Variants in TCF12 observed in about 807,000 individuals in gnomAD.
TCF12 encodes transcription factor 12.
Under a neutral mutation model 86.0 loss-of-function variants are expected in TCF12, and 45 were observed. The observed-to-expected ratio is 0.52, with a 90% CI of 0.41 to 0.67. TCF12 has a LOEUF of 0.67. Ranked by LOEUF, TCF12 falls within the 30% of genes least tolerant of loss-of-function variation. The probability of loss-of-function intolerance (pLI) is 0.00; values close to 1 mark genes in which losing one functional copy is unlikely to be tolerated. For synonymous variants in TCF12, 330 were observed against 299.6 expected, an observed-to-expected ratio of 1.10 and a Z score of -1.05; for missense variants, 881 against 859.9, an observed-to-expected ratio of 1.02 and a Z score of -0.31.
chr15:57,232,244 G>A (rs780363895), intron 9 of TCF12, 47 bp from the exon 10 acceptor site: 49 of 1,607,284 alleles, frequency 3.0e-5, no homozygotes, highest in Non-Finnish European at 4.0e-5. Context: ...CAAAATACAA[G>A]AAAATTTTTA....
chr15:57,075,581 A>G (rs1426825983), intron 4 of TCF12, among the ~76,000 whole-genome samples: 1 of 152,134 alleles, frequency 6.6e-6, no homozygotes, highest in Non-Finnish European at 1.5e-5. Context: ...GGGAGAGTAA[A>G]AGTCCAGAAA....
chr15:56,920,487 C>CGTGTGTGTGTGT (rs71113033), intron 2 of TCF12, among the ~76,000 whole-genome samples: 13,682 of 146,814 alleles, frequency 0.093, 938 homozygotes, highest in Admixed American at 0.23. Flanking sequence ...CACACACACA[C>CGTGTGTGTGTGT]GTGTGTGTGT....
chr15:57,153,855 C>T (rs1038677626), intron 5 of TCF12, among the ~76,000 whole-genome samples: 5 of 151,194 alleles, frequency 3.3e-5, no homozygotes, highest in African/African-American at 1.2e-4. Context: ...GACTCTGTCT[C>T]TCCAAAAAAA....
intron 6 of TCF12, among the ~76,000 whole-genome samples, chr15:57,179,760 C>T (rs2056205906): frequency 1.3e-5 from 2 of 152,122 alleles, no homozygotes; most frequent in Admixed American, 6.5e-5. Context: ...TTAGAAGCAT[C>T]TCAGGTTTTC....
At chr15:57,219,794 C>T (rs546875061) in intron 8 of TCF12, among the ~76,000 whole-genome samples, 4 of 146,316 alleles carry the variant, frequency 2.7e-5, no homozygotes, top group East Asian at 2.0e-4. Context: ...GGCTCGATCT[C>T]GGCTCACTGC....
At chr15:57,052,339 A>G (rs756033834) in intron 3 of TCF12, among the ~76,000 whole-genome samples, 2 of 152,092 alleles carry the variant, frequency 1.3e-5, no homozygotes, top group Non-Finnish European at 2.9e-5. Flanking sequence ...GAGTGAACAT[A>G]AGTGGATAAG....
chr15:57,055,550 G>A (rs1300015979), intron 3 of TCF12, among the ~76,000 whole-genome samples: 1 of 152,086 alleles, frequency 6.6e-6, no homozygotes, highest in East Asian at 1.9e-4. Context: ...TATTTTTGCT[G>A]AGTATAGAAT....
chr15:57,187,563 A>G (rs889538046), intron 6 of TCF12, among the ~76,000 whole-genome samples: 1 of 152,160 alleles, frequency 6.6e-6, no homozygotes, highest in Admixed American at 6.5e-5. Context: ...AAAGTTTACA[A>G]ATTTGTGTTG....
chr15:57,155,330 G>A (rs1369523399), intron 5 of TCF12, among the ~76,000 whole-genome samples: 1 of 151,884 alleles, frequency 6.6e-6, no homozygotes, highest in African/African-American at 2.4e-5. Flanking sequence ...TTTATTTTGA[G>A]TTATGCCTTA....
At chr15:56,968,920 G>A (rs1170022106) in intron 3 of TCF12, among the ~76,000 whole-genome samples, 1 of 152,224 alleles carries the variant, frequency 6.6e-6, no homozygotes, top group African/African-American at 2.4e-5. Context: ...CAGGTCTTAA[G>A]TAGATGAGAG....
chr15:57,018,555 C>T lies in TCF12; in HGVS notation c.149-45195C>T, dbSNP rs112919430. 3.1e-4 allele frequency among the ~76,000 whole-genome samples: 47 copies of T among 152,114 alleles called. 4 individuals carry two copies. Among genetic ancestry groups the T allele is most frequent in the African/African-American group, 8.9e-4 (37 of 41,488 alleles). Reference sequence around the variant, plus strand: ...TCGGCTCACCGCAACATGTGCTTCTCGGGGTCAAGCCAGCCTCTCACCTCA... The same window carrying T: ...TCGGCTCACCGCAACATGTGCTTCTTGGGGTCAAGCCAGCCTCTCACCTCA... On this transcript the variant is annotated intron_variant, in intron 3 of 20. Transcript: ENST00000333725.
At chr15:57,270,204 T>C (rs1342423433) in intron 18 of TCF12, among the ~76,000 whole-genome samples, 6 of 152,228 alleles carry the variant, frequency 3.9e-5, no homozygotes. Flanking sequence ...CAATCAAATG[T>C]AGATTTGGTC....
chr15:57,241,658 C>G (rs1216113817), intron 12 of TCF12, among the ~76,000 whole-genome samples: 1 of 152,100 alleles, frequency 6.6e-6, no homozygotes, highest in African/African-American at 2.4e-5. Flanking sequence ...GGAAGGTAGA[C>G]TTTGGGCTGC....
intron 5 of TCF12, among the ~76,000 whole-genome samples, chr15:57,107,729 T>TTAATAA (rs1292972731): frequency 1.3e-5 from 2 of 151,478 alleles, no homozygotes; most frequent in African/African-American, 4.9e-5. Flanking sequence ...TACAAAATAA[T>TTAATAA]TAATAATAAT....
At chr15:57,240,447 C>T (rs1212719946) in intron 12 of TCF12, among the ~76,000 whole-genome samples, 1 of 152,206 alleles carries the variant, frequency 6.6e-6, no homozygotes. Flanking sequence ...CTCATCCATC[C>T]ACCATCAGTG....
At position 56,918,688 on chromosome 15, in the gene TCF12, G is replaced by A. The variant is rs1278816077; in HGVS notation, c.-241G>A. 5.2e-6 allele frequency: 1 copy of A among 191,442 alleles called. No individual in the cohort carries two copies. The highest frequency in any genetic ancestry group is 1.1e-5 in the Non-Finnish European group (1 of 91,052). The allele number at this position is 191,442 out of a possible 1,614,324, so 11.9% of individuals were successfully genotyped here. On this transcript the variant is annotated 5_prime_UTR_variant, in exon 1 of 21. Coordinates refer to ENST00000333725, the MANE Select transcript of TCF12 (RefSeq NM_207037.2). ...GGCCGCCTCAGCGAAAAAAATGTCC[G>A]CCTGAAGAGACCCACAAGTTCTATT...
At chr15:57,032,388 A>G (rs570365398) in intron 3 of TCF12, among the ~76,000 whole-genome samples, 3 of 152,312 alleles carry the variant, frequency 2.0e-5, no homozygotes, top group South Asian at 4.1e-4. Flanking sequence ...ACAAAAATAT[A>G]AATATACCTT....
intron 4 of TCF12, among the ~76,000 whole-genome samples, chr15:57,079,922 A>G (rs2070479232): frequency 6.6e-6 from 1 of 152,210 alleles, no homozygotes; most frequent in African/African-American, 2.4e-5. Context: ...AGACTCACAG[A>G]TTCTAAATCT....
At chr15:57,168,885 A>T (rs1325087134) in intron 6 of TCF12, among the ~76,000 whole-genome samples, 4 of 152,094 alleles carry the variant, frequency 2.6e-5, no homozygotes, top group Non-Finnish European at 5.9e-5. Context: ...ATCTCTACTA[A>T]GCATACAAAA....
Sources: gnomAD v4.1 joint callset for allele counts (sites outside exome capture counted in the v4.1 genomes callset) on GRCh38, gnomAD v4.1.1 for gene constraint, MANE v1.5 for transcripts, NCBI Gene and HGNC (gene_info 2026-07-23, HGNC 2026-07-21) for gene names.